Variants in SDK1 observed in about 807,000 individuals in gnomAD.
The protein encoded by SDK1 is sidekick cell adhesion molecule 1.
SDK1 carries 157 observed loss-of-function variants against 245.5 expected under a neutral mutation model. That is an observed-to-expected ratio of 0.64 (90% CI 0.56 to 0.73). The LOEUF is 0.73. Among genes scored for constraint, SDK1 ranks in the 30% least tolerant of loss-of-function variants. SDK1 has a pLI of 0.00. For synonymous variants in SDK1, 1,647 were observed against 1,278.5 expected, an observed-to-expected ratio of 1.29 and a Z score of -6.15; for missense variants, 3,583 against 3,002.3, an observed-to-expected ratio of 1.19 and a Z score of -4.52.
At chr7:4,154,065 G>A (rs1259129702) in intron 30 of SDK1, among the ~76,000 whole-genome samples, 3 of 152,136 alleles carry the variant, frequency 2.0e-5, no homozygotes, top group Non-Finnish European at 4.4e-5. Flanking sequence ...AAGATGCTCA[G>A]CACTCATCCA....
chr7:3,987,044 T>G, intron 13 of SDK1, 142 bp from the exon 14 acceptor site: 3 of 746,298 alleles, frequency 4.0e-6, no homozygotes, highest in African/African-American at 3.5e-5. Context: ...GGGAAGAGAG[T>G]TAATATTTGT....
intron 4 of SDK1, among the ~76,000 whole-genome samples, chr7:3,657,629 A>G (rs919559328): frequency 6.6e-6 from 1 of 151,592 alleles, no homozygotes; most frequent in African/African-American, 2.4e-5. Flanking sequence ...AATGGGGTCA[A>G]GCCATCTGTT....
intron 1 of SDK1, among the ~76,000 whole-genome samples, chr7:3,360,565 A>C (rs1289928394): frequency 6.6e-6 from 1 of 152,164 alleles, no homozygotes; most frequent in East Asian, 1.9e-4. Context: ...TAACTTGAAA[A>C]TTGCTGATGA....
At chr7:3,931,092 G>A (rs918798402) in intron 5 of SDK1, among the ~76,000 whole-genome samples, 29 of 152,112 alleles carry the variant, frequency 1.9e-4, no homozygotes, top group Admixed American at 1.1e-3. Context: ...CTTCTAATCC[G>A]AGAGACGTTA....
chr7:3,742,895 A>T (rs1779515800), intron 4 of SDK1, among the ~76,000 whole-genome samples: 1 of 152,222 alleles, frequency 6.6e-6, no homozygotes, highest in South Asian at 2.1e-4. Flanking sequence ...GAATTTTTGC[A>T]AGCAAAGAAC....
At chr7:3,442,712 G>T (rs192886204) in intron 1 of SDK1, among the ~76,000 whole-genome samples, 1 of 152,142 alleles carries the variant, frequency 6.6e-6, no homozygotes, top group South Asian at 2.1e-4. Context: ...TACAAGTTTA[G>T]TGCACTTGAT....
chr7:3,827,128 TA>T (rs1391187406), intron 5 of SDK1, among the ~76,000 whole-genome samples: 1 of 152,114 alleles, frequency 6.6e-6, no homozygotes, highest in Non-Finnish European at 1.5e-5. Flanking sequence ...TCTTAAATCT[TA>T]GGTTAAGCTA....
chr7:3,807,940 G>A (rs989704849), intron 4 of SDK1, among the ~76,000 whole-genome samples: 5 of 152,212 alleles, frequency 3.3e-5, no homozygotes, highest in East Asian at 3.9e-4. Flanking sequence ...TAATTCTCCT[G>A]CCAACACTAA....
intron 35 of SDK1, 37 bp downstream of exon 35, chr7:4,178,623 G>A: frequency 6.8e-7 from 1 of 1,461,226 alleles, no homozygotes; most frequent in Non-Finnish European, 9.5e-7. Flanking sequence ...CTGCCAGAGA[G>A]GGCCACAGTG....
At chr7:3,767,049 A>G (rs1780275302) in intron 4 of SDK1, among the ~76,000 whole-genome samples, 1 of 152,182 alleles carries the variant, frequency 6.6e-6, no homozygotes, top group Admixed American at 6.5e-5. Flanking sequence ...AAGAGCTAGG[A>G]AGGAAGTAGG....
chr7:3,435,877 G>A (rs374285262), intron 1 of SDK1, among the ~76,000 whole-genome samples: 1 of 152,150 alleles, frequency 6.6e-6, no homozygotes, highest in East Asian at 1.9e-4. Flanking sequence ...AACCTCTCCA[G>A]TGATCATTTG....
intron 4 of SDK1, among the ~76,000 whole-genome samples, chr7:3,740,758 G>C (rs370475921): frequency 6.6e-6 from 1 of 152,264 alleles, no homozygotes; most frequent in African/African-American, 2.4e-5. Context: ...TGAATAAACA[G>C]TACTTAGATT....
At chr7:3,736,473 C>T (rs948912601) in intron 4 of SDK1, among the ~76,000 whole-genome samples, 2 of 152,062 alleles carry the variant, frequency 1.3e-5, no homozygotes, top group African/African-American at 4.8e-5. Context: ...TGGGTTTCAC[C>T]GTGTTAGCCA....
In SDK1 at chr7:4,051,845, C is replaced by T; in HGVS notation, c.2911+15C>T. 6.3e-7 allele frequency: 1 copy of T among 1,596,590 alleles called. No individual in the cohort carries two copies. Among genetic ancestry groups the T allele is most frequent in the Non-Finnish European group, 8.6e-7 (1 of 1,167,718 alleles). On this transcript the variant is annotated intron_variant, in intron 19 of 44. Coordinates refer to ENST00000404826, the MANE Select transcript of SDK1 (RefSeq NM_152744.4). Reference sequence around the variant, plus strand: ...TCAGGAAGACAGTGAGTATTCCTTTCTGCGTGTCTCTTAAGTCACTTGTCA... The same window carrying T: ...TCAGGAAGACAGTGAGTATTCCTTTTTGCGTGTCTCTTAAGTCACTTGTCA...
At chr7:3,518,804 CAG>C (rs572708597) in intron 1 of SDK1, among the ~76,000 whole-genome samples, 86 of 152,124 alleles carry the variant, frequency 5.7e-4, no homozygotes, top group Non-Finnish European at 9.1e-4. Context: ...GGCATTTATC[CAG>C]AGGAAAGGAA....
At chr7:3,887,937 C>G (rs1781375456) in intron 5 of SDK1, among the ~76,000 whole-genome samples, 1 of 152,162 alleles carries the variant, frequency 6.6e-6, no homozygotes, top group Non-Finnish European at 1.5e-5. Flanking sequence ...AATGTGTTGT[C>G]TTGTATTTCT....
chr7:3,305,806 ATAGCCACCTGT>A (rs1177797998), intron 1 of SDK1, among the ~76,000 whole-genome samples: 5 of 152,110 alleles, frequency 3.3e-5, no homozygotes, highest in Non-Finnish European at 7.4e-5. Context: ...TGCAGTCTGC[ATAGCCACCTGT>A]AGCTGTCCTT....
intron 32 of SDK1, among the ~76,000 whole-genome samples, chr7:4,169,062 C>G (rs1327758438): frequency 1.3e-5 from 2 of 152,198 alleles, no homozygotes; most frequent in African/African-American, 4.8e-5. Flanking sequence ...GGACCTGTTG[C>G]TGTGTGGTTG....
chr7:3,556,215 C>G (rs530858415), intron 1 of SDK1, among the ~76,000 whole-genome samples: 28 of 151,926 alleles, frequency 1.8e-4, no homozygotes, highest in African/African-American at 6.3e-4. Flanking sequence ...TACATATACA[C>G]GATGGAGTAT....
Sources: gnomAD v4.1 joint callset for allele counts (sites outside exome capture counted in the v4.1 genomes callset) on GRCh38, gnomAD v4.1.1 for gene constraint, MANE v1.5 for transcripts, NCBI Gene and HGNC (gene_info 2026-07-23, HGNC 2026-07-21) for gene names.